Variants in DOCK5 observed in about 807,000 individuals in gnomAD.
DOCK5 encodes the protein dedicator of cytokinesis 5.
DOCK5 carries 142 observed loss-of-function variants against 251.8 expected under a neutral mutation model. That is an observed-to-expected ratio of 0.56 (90% CI 0.49 to 0.65). DOCK5 has a LOEUF of 0.65. Ranked by LOEUF, DOCK5 falls within the 30% of genes least tolerant of loss-of-function variation. The probability of loss-of-function intolerance (pLI) is 0.00; values close to 1 mark genes in which losing one functional copy is unlikely to be tolerated. For synonymous variants in DOCK5, 842 were observed against 835.5 expected, an observed-to-expected ratio of 1.01 and a Z score of -0.13; for missense variants, 2,111 against 2,312.3, an observed-to-expected ratio of 0.91 and a Z score of 1.79.
rs755261617 is a variant in DOCK5 at position 25,403,602 on chromosome 8, T to C, written c.4971T>C (p.Ile1657=). ...GGAAGCAAAGCCGCACGGGGTCTAT[T>C]GTGCTCCCCTACATCATGTCTTCCA... is the stretch of plus-strand genomic sequence containing the variant. The part of the protein sequence containing the change: ...TERKQSRTGS[I]VLPYIMSSTL... The change falls in exon 48 of 52, where the codon ATT becomes ATC. Residue 1657 remains isoleucine, a synonymous_variant. Coordinates refer to ENST00000276440, the MANE Select transcript of DOCK5 (RefSeq NM_024940.8). 2 of 1,613,968 alleles carry C rather than the reference T, an allele frequency of 1.2e-6. No individual in the cohort carries two copies. Among genetic ancestry groups the C allele is most frequent in the Admixed American group, 3.3e-5 (2 of 60,016 alleles).
chr8:25,365,993 T>C (rs933564659), intron 30 of DOCK5, among the ~76,000 whole-genome samples: 9 of 152,256 alleles, frequency 5.9e-5, no homozygotes, highest in African/African-American at 1.9e-4. Context: ...TGGTACTCTG[T>C]TAATCTGTTT....
At chr8:25,384,430 A>ATTTT (rs1220220661) in intron 40 of DOCK5, among the ~76,000 whole-genome samples, 39 of 108,424 alleles carry the variant, frequency 3.6e-4, no homozygotes, top group Non-Finnish European at 4.6e-4. Context: ...TAATATTATT[A>ATTTT]TTTTATTTAT....
At chr8:25,256,974 T>C (rs1237887237) in intron 2 of DOCK5, among the ~76,000 whole-genome samples, 1 of 152,040 alleles carries the variant, frequency 6.6e-6, no homozygotes, top group Non-Finnish European at 1.5e-5. Flanking sequence ...GAAAATAAAA[T>C]TATGTCTTCA....
intron 48 of DOCK5, among the ~76,000 whole-genome samples, chr8:25,406,965 G>T (rs1323315814): frequency 6.6e-6 from 1 of 151,988 alleles, no homozygotes; most frequent in Non-Finnish European, 1.5e-5. Context: ...CATCATTTTT[G>T]ATGGCAGTTG....
intron 1 of DOCK5, among the ~76,000 whole-genome samples, chr8:25,241,467 G>T (rs996544359): frequency 6.6e-6 from 1 of 151,054 alleles, no homozygotes; most frequent in Non-Finnish European, 1.5e-5. Flanking sequence ...AACAGAGCAA[G>T]ACTCCGTCTC....
chr8:25,351,976 A>T, intron 27 of DOCK5, 150 bp downstream of exon 27: 1 of 622,750 alleles, frequency 1.6e-6, no homozygotes, highest in Non-Finnish European at 2.8e-6. Context: ...GCAGATCTTG[A>T]TTCTGACATG....
intron 1 of DOCK5, among the ~76,000 whole-genome samples, chr8:25,231,504 G>A (rs1250488226): frequency 6.6e-6 from 1 of 152,028 alleles, no homozygotes; most frequent in Non-Finnish European, 1.5e-5. Flanking sequence ...GAAATACAAT[G>A]GATTCTTATA....
At chr8:25,387,246 A>G (rs939863238) in intron 40 of DOCK5, among the ~76,000 whole-genome samples, 11 of 149,828 alleles carry the variant, frequency 7.3e-5, no homozygotes, top group Non-Finnish European at 1.5e-4. Context: ...CAGTGGTGTA[A>G]TCACAGCTCC....
chr8:25,259,400 G>T (rs1053384041), intron 2 of DOCK5, among the ~76,000 whole-genome samples: 1 of 152,082 alleles, frequency 6.6e-6, no homozygotes, highest in African/African-American at 2.4e-5. Context: ...TGGGTGATAT[G>T]GGACAAACCT....
intron 21 of DOCK5, among the ~76,000 whole-genome samples, chr8:25,335,629 C>T (rs1805785442): frequency 6.6e-6 from 1 of 152,060 alleles, no homozygotes; most frequent in African/African-American, 2.4e-5. Context: ...TATCAGTGCC[C>T]TCCAAAGTCT....
intron 48 of DOCK5, among the ~76,000 whole-genome samples, chr8:25,404,055 A>G (rs1307835816): frequency 6.6e-6 from 1 of 152,180 alleles, no homozygotes; most frequent in East Asian, 1.9e-4. Context: ...GAACCAAACG[A>G]TATATCACAA....
intron 26 of DOCK5, among the ~76,000 whole-genome samples, chr8:25,347,613 T>G (rs1232334897): frequency 6.6e-6 from 1 of 152,184 alleles, no homozygotes; most frequent in Non-Finnish European, 1.5e-5. Flanking sequence ...GCCCTATAAA[T>G]TTGGCAGCAA....
At chr8:25,318,091 C>CTGT (rs1212572062) in intron 14 of DOCK5, among the ~76,000 whole-genome samples, 4 of 151,354 alleles carry the variant, frequency 2.6e-5, no homozygotes, top group African/African-American at 7.3e-5. Flanking sequence ...TCTTTTGTTG[C>CTGT]TGTTGTTGTT....
chr8:25,334,248 C>A, intron 21 of DOCK5, 52 bp downstream of exon 21: 1 of 1,427,332 alleles, frequency 7.0e-7, no homozygotes, highest in Non-Finnish European at 9.9e-7. Context: ...GATTTGTACT[C>A]TTAGGACTGG....
intron 22 of DOCK5, among the ~76,000 whole-genome samples, chr8:25,337,233 CGCACACACATGCAT>C (rs1189249677): frequency 1.3e-5 from 2 of 152,038 alleles, no homozygotes; most frequent in Non-Finnish European, 2.9e-5. Context: ...TTGATACAGA[CGCACACACATGCAT>C]GCACACACAC....
chr8:25,396,444 A>G (rs1801347040), intron 45 of DOCK5, among the ~76,000 whole-genome samples: 2 of 152,112 alleles, frequency 1.3e-5, no homozygotes, highest in Non-Finnish European at 2.9e-5. Context: ...CTACAATTAA[A>G]TTAGTTCAAC....
Position 25,412,837 on chromosome 8 carries a change from A to AACTAC in DOCK5, c.*1542_*1546dup, listed in dbSNP as rs1801654541. 1 of 152,310 alleles carries AACTAC rather than the reference A, an allele frequency of 6.6e-6. No homozygotes were observed. The highest frequency in any genetic ancestry group is 6.5e-5 in the Admixed American group (1 of 15,294). The allele number at this position is 152,310 out of a possible 1,614,324, so 9.4% of individuals were successfully genotyped here. Reference sequence around the variant, plus strand: ...TTTCACCGCCACCCTTTCAGGAGAGAACTACACCAGTTCATCATGAGGGTC... The same window carrying AACTAC: ...TTTCACCGCCACCCTTTCAGGAGAGAACTACACTACACCAGTTCATCATGAGGGTC... On this transcript the variant is annotated 3_prime_UTR_variant, in exon 52 of 52. Coordinates refer to ENST00000276440, the MANE Select transcript of DOCK5 (RefSeq NM_024940.8).
At chr8:25,285,141 A>C (rs1435190127) in intron 5 of DOCK5, among the ~76,000 whole-genome samples, 1 of 150,622 alleles carries the variant, frequency 6.6e-6, no homozygotes, top group South Asian at 2.1e-4. Flanking sequence ...AATCAAGTGA[A>C]TTTATTATTA....
chr8:25,311,558 GAAAAA>G (rs1157352593), intron 13 of DOCK5, among the ~76,000 whole-genome samples: 1 of 135,686 alleles, frequency 7.4e-6, no homozygotes, highest in Non-Finnish European at 1.6e-5. Context: ...AAAAAAAAAA[GAAAAA>G]AGAAAAACAA....
Sources: gnomAD v4.1 joint callset for allele counts (sites outside exome capture counted in the v4.1 genomes callset) on GRCh38, gnomAD v4.1.1 for gene constraint, MANE v1.5 for transcripts, NCBI Gene and HGNC (gene_info 2026-07-23, HGNC 2026-07-21) for gene names.